Variants in BCLAF3 observed in about 807,000 individuals in gnomAD.
BCLAF3 encodes BCLAF1 and THRAP3 family member 3.
A neutral mutation model predicts 51.2 loss-of-function variants in BCLAF3; 24 were observed. The ratio of observed to expected loss-of-function variants is 0.47; its 90% CI spans 0.34 to 0.66. The LOEUF is 0.66. Among genes scored for constraint, BCLAF3 ranks in the 30% least tolerant of loss-of-function variants. The pLI is 0.01. For synonymous variants in BCLAF3, 152 were observed against 176.6 expected (o/e 0.86, Z 1.10); for missense variants, 465 against 525.1 (o/e 0.89, Z 1.12).
chrX:19,988,979 CTTGG>C (rs1010530901), intron 1 of BCLAF3, among the ~76,000 whole-genome samples: 29 of 111,582 alleles, frequency 2.6e-4, no homozygotes, highest in Non-Finnish European at 3.8e-4. Flanking sequence ...GGTAGTTGTA[CTTGG>C]TTGGAGAGTA....
intron 1 of BCLAF3, among the ~76,000 whole-genome samples, chrX:19,978,694 T>C (rs1196772034): frequency 8.9e-6 from 1 of 111,964 alleles, no homozygotes; most frequent in East Asian, 2.8e-4. Flanking sequence ...TTAATTTTGA[T>C]GGAAGTGCTA....
chrX:19,987,682 G>A (rs1171089798), intron 1 of BCLAF3, among the ~76,000 whole-genome samples: 1 of 112,304 alleles, frequency 8.9e-6, no homozygotes, highest in Admixed American at 9.4e-5. Context: ...TGACTGCTAG[G>A]GGGTAGGAAT....
chrX:19,981,415 A>G (rs777204296), intron 1 of BCLAF3, among the ~76,000 whole-genome samples: 1 of 112,247 alleles, frequency 8.9e-6, no homozygotes, highest in African/African-American at 3.2e-5. Context: ...AAATGGATAA[A>G]TTGGGCATCA....
intron 9 of BCLAF3, among the ~76,000 whole-genome samples, chrX:19,936,546 T>C (rs924213461): frequency 8.9e-6 from 1 of 111,867 alleles, no homozygotes; most frequent in Admixed American, 9.5e-5. Context: ...GGGAGGACTG[T>C]ACTAGGCAAC....
chrX:19,922,660 G>C (rs145875247), intron 11 of BCLAF3, among the ~76,000 whole-genome samples: 1 of 111,478 alleles, frequency 9.0e-6, no homozygotes, highest in African/African-American at 3.3e-5. Flanking sequence ...CACTTTGGGA[G>C]GCTGAGGTGG....
chrX:19,938,201 T>C (rs1319587958), intron 8 of BCLAF3, among the ~76,000 whole-genome samples: 2 of 111,053 alleles, frequency 1.8e-5, no homozygotes, highest in Non-Finnish European at 3.8e-5. Flanking sequence ...CCGTGTCACA[T>C]CCTGCATCTC....
At chrX:19,935,183 C>CA (rs746668820) in intron 10 of BCLAF3, among the ~76,000 whole-genome samples, 1,792 of 70,055 alleles carry the variant, frequency 0.026, 21 homozygotes, top group African/African-American at 0.036. Context: ...GACTCCATCT[C>CA]AAAAAAAAAA....
intron 11 of BCLAF3, among the ~76,000 whole-genome samples, chrX:19,919,273 A>G (rs1004348323): frequency 5.4e-5 from 6 of 112,099 alleles, no homozygotes; most frequent in African/African-American, 1.9e-4. Context: ...CATTCCTACC[A>G]TATTGATTTT....
chrX:19,930,379 T>G (rs1164040775), intron 10 of BCLAF3: 2 of 112,716 alleles, frequency 1.8e-5, no homozygotes, highest in Non-Finnish European at 3.7e-5. Flanking sequence ...TGTCTGGTAC[T>G]TGGAGCTGTC....
In BCLAF3 at chrX:19,914,746, CAG is replaced by C. The variant is rs910097420; in HGVS notation, c.*2557_*2558del. 11 of 111,377 alleles carry C rather than the reference CAG, an allele frequency of 9.9e-5. No homozygotes were observed. Among genetic ancestry groups the C allele is most frequent in the Non-Finnish European group, 1.9e-4 (10 of 53,118 alleles). The allele number at this position is 111,377 out of a possible 1,213,427, so 9.2% of individuals were successfully genotyped here. A position where few individuals can be genotyped will look rare whatever the true frequency, so the allele number is the denominator to read the frequency against. On this transcript the variant is annotated 3_prime_UTR_variant, in exon 12 of 12. Coordinates refer to ENST00000379682, the MANE Select transcript of BCLAF3 (RefSeq NM_001367774.2). ...ACATGCAGCTATAAAAGAAATAATA[CAG>C]AGAGATCCCGCGTACAATTTACCCA... is the stretch of plus-strand genomic sequence containing the variant.
intron 11 of BCLAF3, among the ~76,000 whole-genome samples, chrX:19,924,738 T>A (rs1216670578): frequency 9.0e-6 from 1 of 111,489 alleles, no homozygotes; most frequent in Non-Finnish European, 1.9e-5. Flanking sequence ...CTTGCCTTCC[T>A]GGCCAAATGC....
In BCLAF3 at chrX:19,913,072, ATTTAT is replaced by A. The variant is rs1299138396; in HGVS notation, c.*4228_*4232del. 1 of 111,211 alleles carries A rather than the reference ATTTAT, an allele frequency of 9.0e-6. No individual in the cohort carries two copies. 9.2% of individuals were successfully genotyped at this position (111,211 alleles called of 1,213,427 possible). On this transcript the variant is annotated 3_prime_UTR_variant, in exon 12 of 12. Transcript: ENST00000379682. ...TAAACTTTTTATTCTAACAAGTTTTATTTATTTATTTTCTTTTTTGACATGGAGTC... is the reference window on the plus strand; with the variant it reads ...TAAACTTTTTATTCTAACAAGTTTTATTATTTTCTTTTTTGACATGGAGTC...
chrX:19,929,324 T>C (rs1272389515), intron 11 of BCLAF3: 1 of 112,291 alleles, frequency 8.9e-6, no homozygotes, highest in Admixed American at 9.5e-5. Flanking sequence ...AAATGGCAAA[T>C]TTTATATTAT....
intron 2 of BCLAF3, among the ~76,000 whole-genome samples, chrX:19,968,031 GA>G (rs1277205384): frequency 8.9e-6 from 1 of 112,489 alleles, no homozygotes; most frequent in Non-Finnish European, 1.9e-5. Context: ...CACAGCCAAG[GA>G]GAAAAGCTGG....
In BCLAF3 at chrX:19,955,415, T is replaced by C. The variant is rs781377459; in HGVS notation, c.1426A>G (p.Ile476Val). 8.3e-7 allele frequency: 1 copy of C among 1,197,937 alleles called. No homozygotes were observed. The highest frequency in any genetic ancestry group is 1.1e-6 in the Non-Finnish European group (1 of 890,345). ...KPTGEFAQEIITIIHQVKANY... is the reference protein window; with the variant it reads ...KPTGEFAQEIVTIIHQVKANY... Reference sequence around the variant, plus strand: ...CCTTTAACTTGATGGATTATTGTTATGATTTCCTGAGCAAATTCTCCTGTA... The same window carrying C: ...CCTTTAACTTGATGGATTATTGTTACGATTTCCTGAGCAAATTCTCCTGTA... Residue 476 changes from isoleucine (I) to valine (V), a missense_variant, in exon 5 of 12, where the codon ATA (isoleucine) becomes GTA (valine). Coordinates refer to ENST00000379682, the MANE Select transcript of BCLAF3 (RefSeq NM_001367774.2).
Position 19,990,922 on chromosome X carries a change from CCCGCCGCCGCCGCCGCCGCCG to C in BCLAF3, c.-70_-50del, listed in dbSNP as rs748679368. On this transcript the variant is annotated 5_prime_UTR_variant, in exon 1 of 12. Transcript: ENST00000379682. ...GAGCCGCTCACCCGGCCGGGAAGCC[CCCGCCGCCGCCGCCGCCGCCG>C]CCGCCGCCGCCGCCGCCGCCGCCGC... 5.0e-3 allele frequency among the ~76,000 whole-genome samples: 427 copies of C among 84,582 alleles called. 1 individual carries two copies. The highest frequency in any genetic ancestry group is 0.012 in the South Asian group (18 of 1,459). 73.4% of individuals were successfully genotyped at this position (84,582 alleles called of 115,157 possible).
rs1208210979 is a variant in BCLAF3 at position 19,916,573 on chromosome X, T to C, written c.*732A>G. Reference sequence around the variant, plus strand: ...TTAAAAAGCCTTTAAAAATATGATATGCACAAGCTTGCCCTGAGGGAAAAA... The same window carrying C: ...TTAAAAAGCCTTTAAAAATATGATACGCACAAGCTTGCCCTGAGGGAAAAA... On this transcript the variant is annotated 3_prime_UTR_variant, in exon 12 of 12. Coordinates refer to ENST00000379682, the MANE Select transcript of BCLAF3 (RefSeq NM_001367774.2). 1.8e-5 allele frequency: 2 copies of C among 112,604 alleles called. No individual in the cohort carries two copies. Among genetic ancestry groups the C allele is most frequent in the Non-Finnish European group, 3.8e-5 (2 of 53,215 alleles). The allele number at this position is 112,604 out of a possible 1,213,427, so 9.3% of individuals were successfully genotyped here. A position where few individuals can be genotyped will look rare whatever the true frequency, so the allele number is the denominator to read the frequency against.
rs2072053244 is a variant in BCLAF3, at chrX:19,966,289, C to T, written c.402G>A (p.Val134=). 2 of 1,209,793 alleles carry T rather than the reference C, an allele frequency of 1.7e-6. No homozygotes were observed. The highest frequency in any genetic ancestry group is 2.2e-5 in the Admixed American group (1 of 45,684). The change falls in exon 3 of 12, where the codon GTG becomes GTA. Residue 134 remains valine, a synonymous_variant. Coordinates refer to ENST00000379682, the MANE Select transcript of BCLAF3 (RefSeq NM_001367774.2). ...GGTCATCAGGACTATGCCCTCCTTG[C>T]ACTTTCTGGGGATAAGAATTCCTTT... ...EHERNSYPQK[V]QGGHSPDDHR...
chrX:19,961,061 C>T (rs979113793), intron 4 of BCLAF3, among the ~76,000 whole-genome samples: 1 of 112,001 alleles, frequency 8.9e-6, no homozygotes, highest in Non-Finnish European at 1.9e-5. Flanking sequence ...CCCTCCTCCT[C>T]TTCCTTCCTG....
Sources: gnomAD v4.1 joint callset for allele counts (sites outside exome capture counted in the v4.1 genomes callset) on GRCh38, gnomAD v4.1.1 for gene constraint, MANE v1.5 for transcripts, NCBI Gene and HGNC (gene_info 2026-07-23, HGNC 2026-07-21) for gene names.